Variants in RFTN1 observed in about 807,000 individuals in gnomAD.
RFTN1 encodes the protein raftlin.
In RFTN1, 26 loss-of-function variants were observed where a neutral mutation model predicts 46.5. The observed-to-expected ratio is 0.56, with a 90% confidence interval of 0.41 to 0.78. The LOEUF (loss-of-function observed/expected upper bound fraction) is 0.78, where lower values mean the gene tolerates loss of function less well. Ranked by LOEUF, RFTN1 falls within the 30% of genes least tolerant of loss-of-function variation. RFTN1 has a pLI of 0.00. For synonymous variants in RFTN1, 261 were observed against 284.2 expected (o/e 0.92, Z 0.82); for missense variants, 693 against 718.7 (o/e 0.96, Z 0.41).
rs2074636185 is a variant in RFTN1, at chr3:16,402,741, T to C, written c.441+6634A>G. On this transcript the variant is annotated intron_variant, in intron 4 of 9. Transcript: ENST00000334133. The surrounding 1 kb of genome is among the most constrained non-coding windows in gnomAD (Gnocchi z 4.5). ...TTTTTCCATCTGTCAAGGTGCTTTC[T>C]TTAGGTTGAGGCATAAGTAGCATCA... Among the ~76,000 whole-genome samples, 2 of 152,276 alleles carry C rather than the reference T, an allele frequency of 1.3e-5. No homozygotes were observed. The highest frequency in any genetic ancestry group is 1.9e-4 in the East Asian group (1 of 5,186).
intron 1 of RFTN1, among the ~76,000 whole-genome samples, chr3:16,505,097 TC>T (rs1239274116): frequency 3.9e-5 from 6 of 152,104 alleles, no homozygotes; most frequent in Non-Finnish European, 8.8e-5. Context: ...GGAATCTGCC[TC>T]CCCCTCATCC....
In RFTN1 at chr3:16,383,410, ATAAG is replaced by A. The variant is rs1559311397; in HGVS notation, c.442-5312_442-5309del. ...CACAACTTCACTCAGTTGCTCTATA[ATAAG>A]TAAGGACATGCTCCACTGTAACTAT... On this transcript the variant is annotated intron_variant, in intron 4 of 9. Transcript: ENST00000334133. The surrounding 1 kb of genome is among the most constrained non-coding windows in gnomAD (Gnocchi z 4.0). Among the ~76,000 whole-genome samples, 2 of 152,236 alleles carry A rather than the reference ATAAG, an allele frequency of 1.3e-5. No homozygotes were observed. Among genetic ancestry groups the A allele is most frequent in the Non-Finnish European group, 1.5e-5 (1 of 68,036 alleles).
intron 4 of RFTN1, among the ~76,000 whole-genome samples, chr3:16,392,529 T>A (rs2074375618): frequency 6.6e-6 from 1 of 152,042 alleles, no homozygotes. Flanking sequence ...TGACGGTGCA[T>A]AATTGACACT....
intron 2 of RFTN1, among the ~76,000 whole-genome samples, chr3:16,435,719 T>C (rs1325768360): frequency 6.6e-6 from 1 of 152,140 alleles, no homozygotes; most frequent in Non-Finnish European, 1.5e-5. Flanking sequence ...AGTAATCTTT[T>C]AGTGAAAAAT....
At chr3:16,487,035 T>A (rs1371215762) in intron 2 of RFTN1, among the ~76,000 whole-genome samples, 1 of 152,186 alleles carries the variant, frequency 6.6e-6, no homozygotes, top group Non-Finnish European at 1.5e-5. Flanking sequence ...AAGGCTGTTG[T>A]CTGCAAGCCA....
intron 4 of RFTN1, among the ~76,000 whole-genome samples, chr3:16,389,533 C>T (rs2074298284): frequency 6.6e-6 from 1 of 152,092 alleles, no homozygotes; most frequent in African/African-American, 2.4e-5. Context: ...TTAACAACTA[C>T]TGAGAATTAT....
In RFTN1 at chr3:16,361,337, A is replaced by G. The variant is rs1042513455; in HGVS notation, c.1031-3290T>C. 6.6e-6 allele frequency among the ~76,000 whole-genome samples: 1 copy of G among 152,130 alleles called. No individual in the cohort carries two copies. Among genetic ancestry groups the G allele is most frequent in the Non-Finnish European group, 1.5e-5 (1 of 68,012 alleles). The stretch of plus-strand genomic sequence containing the variant: ...TGTGCCAAGTAGTCCTGTAGTCACT[A>G]GAGATCTCACAAGCAGCAAGATAAA... On this transcript the variant is annotated intron_variant, in intron 6 of 9. Coordinates refer to ENST00000334133, the MANE Select transcript of RFTN1 (RefSeq NM_015150.2). This position sits in a 1 kb window ranked among gnomAD's most constrained non-coding sequence, Gnocchi z 4.3.
At chr3:16,401,512 A>G (rs2074601469) in intron 4 of RFTN1, among the ~76,000 whole-genome samples, 2 of 151,884 alleles carry the variant, frequency 1.3e-5, no homozygotes, top group South Asian at 4.2e-4. Flanking sequence ...CTCCCACTTG[A>G]CCTCCTCCCA....
intron 5 of RFTN1, among the ~76,000 whole-genome samples, chr3:16,375,253 T>C (rs2073719470): frequency 1.3e-5 from 2 of 151,758 alleles, no homozygotes. Flanking sequence ...GTGGGCTTCC[T>C]AGGAGAAAGA....
At position 16,380,965 on chromosome 3, in the gene RFTN1, A is replaced by C. The variant is rs1375470904; in HGVS notation, c.442-2863T>G. Among the ~76,000 whole-genome samples the C allele has an allele frequency of 6.6e-6, 1 of 152,206 alleles. No homozygotes were observed. Among genetic ancestry groups the C allele is most frequent in the African/African-American group, 2.4e-5 (1 of 41,450 alleles). ...TAATTTTTCAGCTGTAGAATCCAACAAATAGTTAATAAGCCCCTACACTGG... is the reference window on the plus strand; with the variant it reads ...TAATTTTTCAGCTGTAGAATCCAACCAATAGTTAATAAGCCCCTACACTGG... On this transcript the variant is annotated intron_variant, in intron 4 of 9. Transcript: ENST00000334133. The surrounding 1 kb of genome is among the most constrained non-coding windows in gnomAD (Gnocchi z 4.8).
intron 4 of RFTN1, among the ~76,000 whole-genome samples, chr3:16,405,228 G>C (rs538386622): frequency 6.6e-6 from 1 of 152,066 alleles, no homozygotes; most frequent in Non-Finnish European, 1.5e-5. Flanking sequence ...TTGAGCCCTC[G>C]TCCCAAAGGA....
At chr3:16,364,550 C>G (rs1450152450) in intron 6 of RFTN1, among the ~76,000 whole-genome samples, 2 of 152,150 alleles carry the variant, frequency 1.3e-5, no homozygotes, top group African/African-American at 4.8e-5. Context: ...CATACTCTCT[C>G]TGCCTCGGTG....
In RFTN1 at chr3:16,513,679, C is replaced by A; in HGVS notation, c.-246G>T. Reference sequence around the variant, plus strand: ...CGCTCTCGCTCGCTGCGCCCAGCGCCCGGCGCGCTCCGGCTCCAGCCCCGA... The same window carrying A: ...CGCTCTCGCTCGCTGCGCCCAGCGCACGGCGCGCTCCGGCTCCAGCCCCGA... On this transcript the variant is annotated 5_prime_UTR_variant, in exon 1 of 10. Transcript: ENST00000334133. The surrounding 1 kb of genome is among the most constrained non-coding windows in gnomAD (Gnocchi z 5.4). The A allele has an allele frequency of 6.6e-6, 1 of 150,552 alleles. No homozygotes were observed. The highest frequency in any genetic ancestry group is 1.8e-4 in the South Asian group (1 of 5,642). The allele number at this position is 150,552 out of a possible 1,614,324, so 9.3% of individuals were successfully genotyped here. A position where few individuals can be genotyped will look rare whatever the true frequency, so the allele number is the denominator to read the frequency against.
chr3:16,493,907 T>C (rs768393409), intron 1 of RFTN1, 30 bp from the exon 2 acceptor site: 1 of 1,611,136 alleles, frequency 6.2e-7, no homozygotes, highest in Non-Finnish European at 8.5e-7. Context: ...GGCGGGGAGG[T>C]GATTTTTTTC....
At chr3:16,373,431 C>T (rs1226732982) in intron 5 of RFTN1, among the ~76,000 whole-genome samples, 1 of 152,218 alleles carries the variant, frequency 6.6e-6, no homozygotes, top group African/African-American at 2.4e-5. Flanking sequence ...TCCTGCCAGC[C>T]TTGGAGCCTG....
Position 16,342,838 on chromosome 3 carries a change from C to T in RFTN1, c.1146+15094G>A, listed in dbSNP as rs2071402414. 6.6e-6 allele frequency among the ~76,000 whole-genome samples: 1 copy of T among 152,112 alleles called. No homozygotes were observed. The highest frequency in any genetic ancestry group is 2.4e-5 in the African/African-American group (1 of 41,430). ...ACCTCTAGTCCAGTGGCTGCTAGGCCTGGCTGAATTTTTTACATGCAGTTC... is the reference window on the plus strand; with the variant it reads ...ACCTCTAGTCCAGTGGCTGCTAGGCTTGGCTGAATTTTTTACATGCAGTTC... On this transcript the variant is annotated intron_variant, in intron 7 of 9. Transcript: ENST00000334133. This position sits in a 1 kb window ranked among gnomAD's most constrained non-coding sequence, Gnocchi z 4.0.
rs1042197807 is a variant in RFTN1, at chr3:16,447,435, A to T, written c.146-13398T>A. On this transcript the variant is annotated intron_variant, in intron 2 of 9. Coordinates refer to ENST00000334133, the MANE Select transcript of RFTN1 (RefSeq NM_015150.2). This position sits in a 1 kb window ranked among gnomAD's most constrained non-coding sequence, Gnocchi z 5.9. ...TTGAGCAGCTCCGGCTCCATTAACC[A>T]ATTTGCATGCAAAATCGACATCAGC... Among the ~76,000 whole-genome samples the T allele has an allele frequency of 2.0e-5, 3 of 152,200 alleles. No homozygotes were observed. Among genetic ancestry groups the T allele is most frequent in the Admixed American group, 6.5e-5 (1 of 15,272 alleles).
rs998603035 is a variant in RFTN1 at position 16,452,970 on chromosome 3, A to C, written c.146-18933T>G. On this transcript the variant is annotated intron_variant, in intron 2 of 9. Transcript: ENST00000334133. This position sits in a 1 kb window ranked among gnomAD's most constrained non-coding sequence, Gnocchi z 6.3. The stretch of plus-strand genomic sequence containing the variant: ...TGAGGATGATGATGATGATGATAGA[A>C]GTATTATGGAAATAATATGAACAAC... Among the ~76,000 whole-genome samples, 5 of 152,248 alleles carry C rather than the reference A, an allele frequency of 3.3e-5. No individual in the cohort carries two copies. Among genetic ancestry groups the C allele is most frequent in the African/African-American group, 9.6e-5 (4 of 41,466 alleles).
chr3:16,363,612 G>C (rs979841155), intron 6 of RFTN1, among the ~76,000 whole-genome samples: 1 of 152,264 alleles, frequency 6.6e-6, no homozygotes, highest in African/African-American at 2.4e-5. Context: ...TTCAGGCTCA[G>C]CCCCAGGGTG....
Sources: allele counts gnomAD v4.1 joint callset (sites outside exome capture counted in the v4.1 genomes callset), GRCh38; gene constraint gnomAD v4.1.1; non-coding constraint Gnocchi (gnomAD v3.1); transcripts MANE v1.5; gene names NCBI Gene and HGNC (gene_info 2026-07-23, HGNC 2026-07-21).